Variants in RARB observed in about 807,000 individuals in gnomAD.
RARB encodes HBV-activated protein.
In RARB, 17 loss-of-function variants were observed where a neutral mutation model predicts 51.9. The ratio of observed to expected loss-of-function variants is 0.33; its 90% confidence interval spans 0.22 to 0.49. The LOEUF (loss-of-function observed/expected upper bound fraction) is 0.49. RARB is among the 20% of genes least tolerant of loss of function. The probability of loss-of-function intolerance (pLI) is 0.99; values close to 1 mark genes in which losing one functional copy is unlikely to be tolerated. For missense variants in RARB, 369 were observed against 550.8 expected (o/e 0.67, Z 3.30); for synonymous variants, 215 against 195.4 (o/e 1.10, Z -0.84).
At chr3:25,532,541 T>C (rs181696465) in intron 3 of RARB, among the ~76,000 whole-genome samples, 8 of 152,328 alleles carry the variant, frequency 5.3e-5, no homozygotes, top group Admixed American at 1.3e-4. Flanking sequence ...TGGTAGTTTC[T>C]CTAGTGATAA....
chr3:25,444,564 G>A (rs989781654), intron 1 of RARB, among the ~76,000 whole-genome samples: 1 of 152,086 alleles, frequency 6.6e-6, no homozygotes, highest in African/African-American at 2.4e-5. Flanking sequence ...TTTCATGAAA[G>A]GTAACAGAGA....
At position 24,891,455 on chromosome 3, in the gene RARB, G is replaced by C. The variant is rs554899016; in HGVS notation, c.-380+32703G>C. 2.0e-5 allele frequency among the ~76,000 whole-genome samples: 3 copies of C among 152,280 alleles called. No individual in the cohort carries two copies. In the South Asian group the frequency reaches 6.2e-4, roughly 32 times the overall value. ...ATAGCCCCCACTAGGTTAGTAGTGA[G>C]TACTATGAGAAACTCACATCTGAAG... On this transcript the variant is annotated intron_variant, in intron 2 of 11. Coordinates refer to the RARB transcript ENST00000383772.
intron 3 of RARB, among the ~76,000 whole-genome samples, chr3:25,089,323 A>G (rs2125316161): frequency 6.6e-6 from 1 of 152,274 alleles, no homozygotes; most frequent in Non-Finnish European, 1.5e-5. Context: ...AATATAGCAC[A>G]GTAATACAAA....
At chr3:25,009,709 G>T (rs968543679) in intron 2 of RARB, among the ~76,000 whole-genome samples, 2 of 152,034 alleles carry the variant, frequency 1.3e-5, no homozygotes, top group African/African-American at 4.8e-5. Flanking sequence ...TGCTCACCAG[G>T]TCTCCCTTTC....
At chr3:24,867,584 ACTTACCCTT>A (rs1222930666) in intron 2 of RARB, among the ~76,000 whole-genome samples, 1 of 152,128 alleles carries the variant, frequency 6.6e-6, no homozygotes. Flanking sequence ...AGTGGAAATT[ACTTACCCTT>A]CTGTAGGGGA....
intron 2 of RARB, among the ~76,000 whole-genome samples, chr3:24,963,354 T>G (rs1696182356): frequency 6.6e-6 from 1 of 150,470 alleles, no homozygotes; most frequent in Non-Finnish European, 1.5e-5. Context: ...TGGAAACGCA[T>G]CTATTTTTGT....
At chr3:25,249,681 ATTTT>A (rs775744919) in intron 5 of RARB, among the ~76,000 whole-genome samples, 2 of 95,280 alleles carry the variant, frequency 2.1e-5, no homozygotes, top group African/African-American at 3.9e-5. Flanking sequence ...TCTCTGTATG[ATTTT>A]TTTTTTTTTT....
At position 25,485,258 on chromosome 3, in the gene RARB, G is replaced by A. The variant is rs546496655; in HGVS notation, c.307-15924G>A. On this transcript the variant is annotated intron_variant, in intron 2 of 7. Transcript: ENST00000330688. ...ATGTCATTCTTTACTAAGAAATACT[G>A]TGCTTAATTAATTCTTGCTCCTAGG... 1.6e-4 allele frequency among the ~76,000 whole-genome samples: 24 copies of A among 152,306 alleles called. No homozygotes were observed. The South Asian group carries it at 4.3e-3, about 28-fold the overall frequency.
At chr3:25,520,560 T>C (rs1255268809) in intron 3 of RARB, among the ~76,000 whole-genome samples, 1 of 152,234 alleles carries the variant, frequency 6.6e-6, no homozygotes, top group African/African-American at 2.4e-5. Flanking sequence ...ATAACTCTTT[T>C]TTTAGATAAA....
At chr3:25,519,641 A>G (rs1054193983) in intron 3 of RARB, among the ~76,000 whole-genome samples, 4 of 152,218 alleles carry the variant, frequency 2.6e-5, no homozygotes, top group Non-Finnish European at 5.9e-5. Flanking sequence ...AAAACCCAAA[A>G]TGTCAAAAGT....
intron 3 of RARB, among the ~76,000 whole-genome samples, chr3:25,534,586 C>A (rs1205911385): frequency 2.0e-5 from 3 of 152,264 alleles, no homozygotes; most frequent in Non-Finnish European, 4.4e-5. Flanking sequence ...TTTCCTGGGC[C>A]CCCCGGCACA....
In RARB at chr3:25,037,868, A is replaced by G. The variant is rs74898544; in HGVS notation, c.-379-22257A>G. 2.0e-3 allele frequency among the ~76,000 whole-genome samples: 306 copies of G among 152,280 alleles called. 1 individual carries two copies. The highest frequency in any genetic ancestry group is 7.1e-3 in the African/African-American group (297 of 41,554). ...GAAGGATCTGCAAAGACTTCCAGGA[A>G]AGATGGAAATTTGGCATAAGATGTG... On this transcript the variant is annotated intron_variant, in intron 2 of 11. Transcript: ENST00000383772.
intron 2 of RARB, among the ~76,000 whole-genome samples, chr3:25,026,404 G>C (rs980366494): frequency 1.3e-5 from 2 of 152,230 alleles, no homozygotes; most frequent in African/African-American, 4.8e-5. Flanking sequence ...GTGTTGGTGG[G>C]TGTCGTGTCC....
At chr3:25,351,644 G>C (rs1705573951) in intron 5 of RARB, among the ~76,000 whole-genome samples, 1 of 152,140 alleles carries the variant, frequency 6.6e-6, no homozygotes, top group South Asian at 2.1e-4. Flanking sequence ...GTTTTCAAAA[G>C]AGGTTAAAAA....
chr3:25,316,331 A>G (rs1037821770), intron 5 of RARB, among the ~76,000 whole-genome samples: 1 of 152,302 alleles, frequency 6.6e-6, no homozygotes, highest in Non-Finnish European at 1.5e-5. Flanking sequence ...ATGGGTGAGC[A>G]CAAACCACAA....
intron 5 of RARB, among the ~76,000 whole-genome samples, chr3:25,293,698 T>G (rs1172600277): frequency 6.6e-6 from 1 of 150,956 alleles, no homozygotes; most frequent in Non-Finnish European, 1.5e-5. Context: ...TATCTCTATC[T>G]TTGCTTTCGT....
At chr3:24,978,396 G>T (rs147184189) in intron 2 of RARB, among the ~76,000 whole-genome samples, 1 of 151,934 alleles carries the variant, frequency 6.6e-6, no homozygotes, top group African/African-American at 2.4e-5. Flanking sequence ...TACTTTTTTT[G>T]GTTGGTAGGC....
chr3:25,190,359 T>C (rs143991222), intron 5 of RARB, among the ~76,000 whole-genome samples: 99 of 152,236 alleles, frequency 6.5e-4, no homozygotes, highest in African/African-American at 2.3e-3. Context: ...TTCCAAATGA[T>C]AATGCCTTCT....
intron 2 of RARB, among the ~76,000 whole-genome samples, chr3:24,872,652 A>G (rs139565793): frequency 6.6e-6 from 1 of 152,144 alleles, no homozygotes; most frequent in African/African-American, 2.4e-5. Flanking sequence ...ACGTGAATAG[A>G]TGGAGTGAGA....
Sources: gnomAD v4.1 joint callset for allele counts (sites outside exome capture counted in the v4.1 genomes callset) on GRCh38, gnomAD v4.1.1 for gene constraint, MANE v1.5 for transcripts, NCBI Gene and HGNC (gene_info 2026-07-23, HGNC 2026-07-21) for gene names.